Variants in OCRL observed in about 807,000 individuals in gnomAD.
OCRL encodes the protein OCRL inositol polyphosphate-5-phosphatase, also known as inositol polyphosphate 5-phosphatase OCRL.
OCRL carries 8 observed loss-of-function variants against 78.9 expected under a neutral mutation model. The observed-to-expected ratio is 0.10, with a 90% CI of 0.06 to 0.18. The LOEUF is 0.18. Ranked by LOEUF, OCRL falls within the 10% of genes least tolerant of loss-of-function variation. The probability of loss-of-function intolerance (pLI) is 1.00; values close to 1 mark genes in which losing one functional copy is unlikely to be tolerated. For missense variants in OCRL, 454 were observed against 696.7 expected (o/e 0.65, Z 3.92); for synonymous variants, 240 against 235.4 (o/e 1.02, Z -0.18).
At chrX:129,576,163 G>A in intron 17 of OCRL, 101 bp downstream of exon 17, 1 of 969,904 alleles carries the variant, frequency 1.0e-6, no homozygotes, top group African/African-American at 1.9e-5. Context: ...TACCTTTACT[G>A]TCATATTGGT....
intron 2 of OCRL, among the ~76,000 whole-genome samples, chrX:129,541,324 C>T (rs1935797588): frequency 8.9e-6 from 1 of 112,127 alleles, no homozygotes; most frequent in South Asian, 3.7e-4. Context: ...TCCCCGTCCC[C>T]TTATCCCACT....
Position 129,589,025 on chromosome X carries a change from T to C in OCRL, c.2469+12T>C, listed in dbSNP as rs1936553772. On this transcript the variant is annotated intron_variant, in intron 22 of 23. Transcript: ENST00000371113. Reference sequence around the variant, plus strand: ...GGATCTGCCGACAGGTGGGTTCTACTGACCTGGGGATGTGTTTGACGCAGA... The same window carrying C: ...GGATCTGCCGACAGGTGGGTTCTACCGACCTGGGGATGTGTTTGACGCAGA... The C allele has an allele frequency of 3.3e-6, 4 of 1,210,962 alleles. No homozygotes were observed. Among genetic ancestry groups the C allele is most frequent in the Non-Finnish European group, 4.5e-6 (4 of 894,904 alleles).
chrX:129,578,368 T>C lies in OCRL; in HGVS notation c.2115+1816T>C, dbSNP rs377026554. ...ACAGTTCCTACTTTCTTTAGTGACATTGACTTTTTTAAGAGTCCAGTACAA... is the reference window on the plus strand; with the variant it reads ...ACAGTTCCTACTTTCTTTAGTGACACTGACTTTTTTAAGAGTCCAGTACAA... On this transcript the variant is annotated intron_variant, in intron 18 of 23. Coordinates refer to ENST00000371113, the MANE Select transcript of OCRL (RefSeq NM_000276.4). Among the ~76,000 whole-genome samples, 14 of 110,619 alleles carry C rather than the reference T, an allele frequency of 1.3e-4. No individual in the cohort carries two copies. In the East Asian group the frequency reaches 3.7e-3, roughly 29 times the overall value.
At position 129,584,361 on chromosome X, in the gene OCRL, A is replaced by G. The variant is rs748015397; in HGVS notation, c.2133A>G (p.Leu711=). 2 of 1,207,310 alleles carry G rather than the reference A, an allele frequency of 1.7e-6. No homozygotes were observed. The highest frequency in any genetic ancestry group is 2.2e-6 in the Non-Finnish European group (2 of 891,487). The change falls in exon 19 of 24, where the codon CTA becomes CTG. Residue 711 remains leucine, a synonymous_variant. Transcript: ENST00000371113. ...GCTCTCAGGAAGAAGACAGCTTCCTAGAAAAGGTAATGCAATCCATTGGTG... is the reference window on the plus strand; with the variant it reads ...GCTCTCAGGAAGAAGACAGCTTCCTGGAAAAGGTAATGCAATCCATTGGTG... ...KLIDLEEDSF[L]EKEKSLLQMV...
At chrX:129,564,749 T>A (rs1384075870) in intron 12 of OCRL, among the ~76,000 whole-genome samples, 4 of 110,100 alleles carry the variant, frequency 3.6e-5, no homozygotes, top group Non-Finnish European at 7.6e-5. Context: ...GAGGGATAGC[T>A]TTAGGAGATA....
At chrX:129,583,081 T>C (rs1936465942) in intron 18 of OCRL, among the ~76,000 whole-genome samples, 1 of 111,650 alleles carries the variant, frequency 9.0e-6, no homozygotes, top group Non-Finnish European at 1.9e-5. Flanking sequence ...CCATCACCCA[T>C]TGGTTTTAGG....
chrX:129,586,881 A>G (rs1301394212), intron 19 of OCRL, 121 bp from the exon 20 acceptor site: 2 of 581,203 alleles, frequency 3.4e-6, no homozygotes. Flanking sequence ...GAAGAAATGG[A>G]AAATCTTAAG....
intron 4 of OCRL, among the ~76,000 whole-genome samples, chrX:129,552,847 A>G (rs949973467): frequency 1.8e-5 from 2 of 112,585 alleles, no homozygotes; most frequent in Non-Finnish European, 3.8e-5. Flanking sequence ...ATCATAAGAG[A>G]TGATGTGATT....
At chrX:129,554,724 C>T (rs1285782370) in intron 4 of OCRL, among the ~76,000 whole-genome samples, 49 of 109,709 alleles carry the variant, frequency 4.5e-4, no homozygotes, top group Non-Finnish European at 1.9e-5. Flanking sequence ...GAGGCCGAGG[C>T]GGGCGGATCA....
intron 3 of OCRL, among the ~76,000 whole-genome samples, chrX:129,545,704 T>C (rs183026911): frequency 3.7e-4 from 42 of 112,088 alleles, no homozygotes; most frequent in Non-Finnish European, 5.6e-4. Context: ...AGAGAACAAA[T>C]GCATTCTGTT....
chrX:129,540,556 G>A (rs1935775640), intron 1 of OCRL, 78 bp downstream of exon 1: 1 of 1,076,811 alleles, frequency 9.3e-7, no homozygotes, highest in South Asian at 2.0e-5. Flanking sequence ...GAACACGGTG[G>A]GGCGGGGCAA....
intron 12 of OCRL, among the ~76,000 whole-genome samples, chrX:129,564,732 G>T (rs961169444): frequency 0.013 from 1,378 of 108,909 alleles, 22 homozygotes; most frequent in African/African-American, 0.043. Flanking sequence ...GGGGTGGGGG[G>T]AGCGGGGAGG....
intron 10 of OCRL, 24 bp from the exon 11 acceptor site, chrX:129,562,360 T>G (rs1569459440): frequency 8.9e-7 from 1 of 1,126,548 alleles, no homozygotes; most frequent in Non-Finnish European, 1.2e-6. Flanking sequence ...ACATTAACCT[T>G]TTGTAACTCC....
intron 12 of OCRL, among the ~76,000 whole-genome samples, 162 bp from the exon 13 acceptor site, chrX:129,565,610 G>A (rs1055084668): frequency 1.8e-5 from 2 of 112,069 alleles, no homozygotes; most frequent in Non-Finnish European, 3.8e-5. Context: ...CTCAGGTGTT[G>A]ATAGTAGTTG....
chrX:129,555,104 T>G (rs1433036796), intron 4 of OCRL, among the ~76,000 whole-genome samples: 1 of 110,647 alleles, frequency 9.0e-6, no homozygotes, highest in African/African-American at 3.3e-5. Context: ...ACTCGGAAAC[T>G]ACGAGTGCCT....
intron 19 of OCRL, 107 bp from the exon 20 acceptor site, chrX:129,586,895 T>TG (rs1267683554): frequency 1.7e-6 from 1 of 590,563 alleles, no homozygotes; most frequent in Non-Finnish European, 3.0e-6. Flanking sequence ...TCTTAAGAGA[T>TG]GAAGATCACA....
At chrX:129,548,539 A>T in intron 3 of OCRL, 24 bp from the exon 4 acceptor site, 1 of 1,178,858 alleles carries the variant, frequency 8.5e-7, no homozygotes, top group Admixed American at 2.2e-5. Context: ...CCCTAATCCT[A>T]CTCTCTTTTT....
At chrX:129,551,759 C>A (rs1249566563) in intron 4 of OCRL, among the ~76,000 whole-genome samples, 1 of 112,509 alleles carries the variant, frequency 8.9e-6, no homozygotes, top group Non-Finnish European at 1.9e-5. Context: ...TTAATAAATG[C>A]TCTTGAGGAA....
intron 18 of OCRL, among the ~76,000 whole-genome samples, chrX:129,577,591 A>G (rs998596597): frequency 5.4e-5 from 6 of 111,822 alleles, no homozygotes; most frequent in African/African-American, 1.3e-4. Flanking sequence ...AGGGAGGTCT[A>G]GACCAGCAGG....
Sources: gnomAD v4.1 joint callset for allele counts (sites outside exome capture counted in the v4.1 genomes callset) on GRCh38, gnomAD v4.1.1 for gene constraint, MANE v1.5 for transcripts, NCBI Gene and HGNC (gene_info 2026-07-23, HGNC 2026-07-21) for gene names.